Variants in DCC observed in about 807,000 individuals in gnomAD.
The protein encoded by DCC is DCC netrin 1 receptor.
Under a neutral mutation model 172.5 loss-of-function variants are expected in DCC, and 58 were observed. That is an observed-to-expected ratio of 0.34 (90% CI 0.27 to 0.42). DCC has a LOEUF of 0.42. DCC is among the 10% of genes least tolerant of loss of function. DCC has a pLI of 1.00. For synonymous variants in DCC, 709 were observed against 644.5 expected (o/e 1.10, Z -1.52); for missense variants, 1,740 against 1,791.0 (o/e 0.97, Z 0.51).
rs775486111 is a variant in DCC, at chr18:53,429,054, T to TATTTTATATAATATATATTTTATATATAA, written c.3164-6090_3164-6089insATTTTATATAATATATATTTTATATATAA. On this transcript the variant is annotated intron_variant, in intron 21 of 28. Coordinates refer to ENST00000442544, the MANE Select transcript of DCC (RefSeq NM_005215.4). ...TAATATATATTTTATATATAATATATTATATATTTTATATATAATATATAT... is the reference window on the plus strand; with the variant it reads ...TAATATATATTTTATATATAATATATATTTTATATAATATATATTTTATATATAATATATATTTTATATATAATATATAT... Among the ~76,000 whole-genome samples, 3 of 35,166 alleles carry TATTTTATATAATATATATTTTATATATAA rather than the reference T, an allele frequency of 8.5e-5. 1 individual carries two copies. The highest frequency in any genetic ancestry group is 1.2e-3 in the East Asian group (2 of 1,666). The allele number at this position is 35,166 out of a possible 152,430, so 23.1% of individuals were successfully genotyped here. A position where few individuals can be genotyped will look rare whatever the true frequency, so the allele number is the denominator to read the frequency against.
At chr18:52,693,974 G>A (rs776612996) in intron 1 of DCC, among the ~76,000 whole-genome samples, 22 of 152,090 alleles carry the variant, frequency 1.4e-4, no homozygotes, top group Non-Finnish European at 2.1e-4. Flanking sequence ...TGACTCATAT[G>A]CAAACAATAG....
chr18:52,961,802 C>T (rs371324746), intron 5 of DCC, among the ~76,000 whole-genome samples: 19 of 151,828 alleles, frequency 1.3e-4, no homozygotes, highest in African/African-American at 1.9e-4. Context: ...GAAATAATGC[C>T]GCATATCTAC....
At chr18:52,599,238 C>T (rs1235249375) in intron 1 of DCC, among the ~76,000 whole-genome samples, 1 of 152,080 alleles carries the variant, frequency 6.6e-6, no homozygotes, top group Admixed American at 6.6e-5. Flanking sequence ...AACTGATAGT[C>T]ATTTTAAGAA....
At chr18:53,164,452 C>A (rs56350501) in intron 8 of DCC, among the ~76,000 whole-genome samples, 9 of 152,102 alleles carry the variant, frequency 5.9e-5, no homozygotes, top group Non-Finnish European at 1.2e-4. Flanking sequence ...CATTATACCT[C>A]TCACTTGTAA....
chr18:52,597,444 G>A (rs2033931299), intron 1 of DCC, among the ~76,000 whole-genome samples: 1 of 152,162 alleles, frequency 6.6e-6, no homozygotes, highest in African/African-American at 2.4e-5. Flanking sequence ...GCAGCGATGG[G>A]TCAATATTGC....
chr18:53,135,690 T>A (rs374006024), intron 7 of DCC, among the ~76,000 whole-genome samples: 2 of 152,182 alleles, frequency 1.3e-5, no homozygotes, highest in Non-Finnish European at 2.9e-5. Context: ...TTATGTTATT[T>A]TACTTTGCAT....
At chr18:52,838,431 AAATT>A (rs1344875746) in intron 2 of DCC, among the ~76,000 whole-genome samples, 1 of 152,106 alleles carries the variant, frequency 6.6e-6, no homozygotes, top group African/African-American at 2.4e-5. Flanking sequence ...TAGTATGAAA[AAATT>A]CTACAGTTGT....
chr18:52,841,771 C>T (rs1459047441), intron 2 of DCC, among the ~76,000 whole-genome samples: 2 of 152,236 alleles, frequency 1.3e-5, no homozygotes, highest in Middle Eastern at 3.4e-3. Flanking sequence ...GTCAATCACT[C>T]GTTTCCATCT....
intron 1 of DCC, among the ~76,000 whole-genome samples, chr18:52,520,584 C>T (rs1211820629): frequency 2.6e-5 from 4 of 152,160 alleles, no homozygotes; most frequent in Non-Finnish European, 5.9e-5. Flanking sequence ...ACCCTTCACA[C>T]CACCCCTGAC....
chr18:52,552,019 G>A (rs2032789124), intron 1 of DCC, among the ~76,000 whole-genome samples: 1 of 151,990 alleles, frequency 6.6e-6, no homozygotes, highest in African/African-American at 2.4e-5. Flanking sequence ...ATTTTGCCTG[G>A]ACTTCTAGAT....
At position 53,299,696 on chromosome 18, in the gene DCC, T is replaced by C. The variant is rs551660301; in HGVS notation, c.1912-5882T>C. On this transcript the variant is annotated intron_variant, in intron 12 of 28. Transcript: ENST00000442544. Reference sequence around the variant, plus strand: ...CCACATCAAGAATGTAGTTGATACATGTTGAATGAGTAACAACTAAATGAA... The same window carrying C: ...CCACATCAAGAATGTAGTTGATACACGTTGAATGAGTAACAACTAAATGAA... 2.0e-5 allele frequency among the ~76,000 whole-genome samples: 3 copies of C among 152,360 alleles called. No homozygotes were observed. In the East Asian group the frequency reaches 5.8e-4, roughly 29 times the overall value.
intron 2 of DCC, 30 bp downstream of exon 2, chr18:52,752,404 C>T (rs759914016): frequency 1.3e-6 from 2 of 1,490,422 alleles, no homozygotes; most frequent in South Asian, 2.3e-5. Context: ...TCTTCCTCCT[C>T]CTCCTTCCTC....
chr18:52,583,865 A>G (rs1435892214), intron 1 of DCC, among the ~76,000 whole-genome samples: 2 of 152,202 alleles, frequency 1.3e-5, no homozygotes, highest in Non-Finnish European at 2.9e-5. Flanking sequence ...GCAATGTCCC[A>G]TTTCCATAAC....
intron 1 of DCC, among the ~76,000 whole-genome samples, chr18:52,624,892 CAT>C (rs1773107719): frequency 6.6e-6 from 1 of 152,150 alleles, no homozygotes; most frequent in African/African-American, 2.4e-5. Flanking sequence ...GTAAGCCATT[CAT>C]AGAGTTGCCT....
chr18:53,128,413 A>G (rs2043596936), intron 7 of DCC, among the ~76,000 whole-genome samples: 1 of 152,094 alleles, frequency 6.6e-6, no homozygotes, highest in Non-Finnish European at 1.5e-5. Context: ...TTTGATGGTA[A>G]TGCTGAGAGA....
intron 1 of DCC, among the ~76,000 whole-genome samples, chr18:52,630,122 A>G (rs1169149577): frequency 6.6e-6 from 1 of 152,134 alleles, no homozygotes; most frequent in South Asian, 2.1e-4. Flanking sequence ...AAAGAAAAAA[A>G]GTAAGAAAGG....
chr18:53,048,236 C>A (rs953285741), intron 5 of DCC, among the ~76,000 whole-genome samples: 11 of 151,510 alleles, frequency 7.3e-5, no homozygotes, highest in African/African-American at 2.7e-4. Flanking sequence ...AGGACAGTAC[C>A]CAATAGGTAT....
At position 52,555,521 on chromosome 18, in the gene DCC, ATGAAC is replaced by A. The variant is rs1413504844; in HGVS notation, c.92-196531_92-196527del. Among the ~76,000 whole-genome samples, 10 of 152,118 alleles carry A rather than the reference ATGAAC, an allele frequency of 6.6e-5. No homozygotes were observed. The East Asian group carries it at 1.9e-3, about 29-fold the overall frequency. ...TAGAGCCCTATAAGCTGAAAGAAGA[ATGAAC>A]TAGATGATCTATTCACTTCTGTTTT... On this transcript the variant is annotated intron_variant, in intron 1 of 28. Transcript: ENST00000442544.
At chr18:52,987,248 T>A (rs1338962838) in intron 5 of DCC, among the ~76,000 whole-genome samples, 3 of 152,130 alleles carry the variant, frequency 2.0e-5, no homozygotes, top group Non-Finnish European at 2.9e-5. Context: ...AGGAGCTCTG[T>A]GATTCTCAGC....
Sources: gnomAD v4.1 joint callset for allele counts (sites outside exome capture counted in the v4.1 genomes callset) on GRCh38, gnomAD v4.1.1 for gene constraint, MANE v1.5 for transcripts, NCBI Gene and HGNC (gene_info 2026-07-23, HGNC 2026-07-21) for gene names.